The following AK6 variants were observed in gnomAD, a reference collection of about 807,000 sequenced individuals.
The protein encoded by AK6 is adenylate kinase 6.
Under a neutral mutation model 23.7 loss-of-function variants are expected in AK6, and 24 were observed. That is an observed-to-expected ratio of 1.01 (90% CI 0.73 to 1.43). The LOEUF (loss-of-function observed/expected upper bound fraction) is 1.43. Ranked by LOEUF, AK6 falls within the 40% of genes most tolerant of loss-of-function variation. The pLI, the probability that AK6 is intolerant of heterozygous loss-of-function variation, is 0.00. For synonymous variants in AK6, 73 were observed against 69.8 expected (o/e 1.05, Z -0.23); for missense variants, 191 against 199.1 (o/e 0.96, Z 0.24).
chr5:69,351,977 A>G lies in AK6; in HGVS notation c.*84T>C, dbSNP rs1761959169. ...GCTGGTTCTGCAACATGATTTTAATAAAGTGTTACTGACACTTGAACAATT... is the reference window on the plus strand; with the variant it reads ...GCTGGTTCTGCAACATGATTTTAATGAAGTGTTACTGACACTTGAACAATT... On this transcript the variant is annotated 3_prime_UTR_variant, in exon 5 of 5. Coordinates refer to ENST00000380822, the MANE Select transcript of AK6 (RefSeq NM_016283.5). 2.5e-6 allele frequency: 3 copies of G among 1,188,228 alleles called. No homozygotes were observed. Among genetic ancestry groups the G allele is most frequent in the Non-Finnish European group, 3.5e-6 (3 of 855,238 alleles). The allele number at this position is 1,188,228 out of a possible 1,614,324, so 73.6% of individuals were successfully genotyped here.
Position 69,351,441 on chromosome 5 carries a change from G to A in AK6, c.*620C>T, listed in dbSNP as rs922480847. The A allele has an allele frequency of 6.6e-6, 1 of 152,144 alleles. No individual in the cohort carries two copies. Among genetic ancestry groups the A allele is most frequent in the Non-Finnish European group, 1.5e-5 (1 of 68,038 alleles). 9.4% of individuals were successfully genotyped at this position (152,144 alleles called of 1,614,324 possible). On this transcript the variant is annotated 3_prime_UTR_variant, in exon 5 of 5. Coordinates refer to ENST00000380822, the MANE Select transcript of AK6 (RefSeq NM_016283.5). ...ATGATATAATCTTCAAATATAGTAA[G>A]TGAAAAAAGAAAGGTACAGAATAGT...
rs529722096 is a variant in AK6 at position 69,364,341 on chromosome 5, CACTT to C, written c.121+2158_121+2161del. ...CTCAAAATTAACCTGCAAAAAGAGA[CACTT>C]ATAAATTTTTTTTTAAAAAGTGGAG... is the stretch of plus-strand genomic sequence containing the variant. On this transcript the variant is annotated intron_variant, in intron 2 of 4. Transcript: ENST00000380822. 3.2e-3 allele frequency among the ~76,000 whole-genome samples: 487 copies of C among 151,910 alleles called. 9 individuals carry two copies. The highest frequency in any genetic ancestry group is 0.011 in the African/African-American group (471 of 41,460).
chr5:69,358,636 G>A (rs529317113), intron 2 of AK6, among the ~76,000 whole-genome samples: 1 of 151,870 alleles, frequency 6.6e-6, no homozygotes, highest in East Asian at 1.9e-4. Context: ...AGTCCCAGAG[G>A]CTATCAAGTC....
intron 4 of AK6, among the ~76,000 whole-genome samples, chr5:69,354,729 G>C (rs1009064682): frequency 7.2e-5 from 11 of 152,208 alleles, no homozygotes; most frequent in Admixed American, 7.2e-4. Flanking sequence ...GGGATAATTT[G>C]AGTGAGTAGT....
At chr5:69,359,243 T>A (rs1430732863) in intron 2 of AK6, among the ~76,000 whole-genome samples, 24 of 146,032 alleles carry the variant, frequency 1.6e-4, no homozygotes, top group East Asian at 7.9e-4. Context: ...AAAAAAAAAA[T>A]TTTTTTTTTT....
At chr5:69,361,013 A>G (rs1239536692) in intron 2 of AK6, among the ~76,000 whole-genome samples, 1 of 152,238 alleles carries the variant, frequency 6.6e-6, no homozygotes, top group African/African-American at 2.4e-5. Flanking sequence ...GAGGCCGAAG[A>G]CCGAAAAACT....
intron 2 of AK6, among the ~76,000 whole-genome samples, chr5:69,363,730 GC>G (rs1451368210): frequency 6.6e-6 from 1 of 151,752 alleles, no homozygotes; most frequent in Non-Finnish European, 1.5e-5. Flanking sequence ...CTTGCAGTGA[GC>G]CGAGATTACA....
In AK6 at chr5:69,364,216, A is replaced by AT. The variant is rs1554035657; in HGVS notation, c.121+2286_121+2287insA. ...CAAAAAAATATTTTAAATTAAAAAA[A>AT]ATATATATATATATAAACACTATAA... On this transcript the variant is annotated intron_variant, in intron 2 of 4. Coordinates refer to ENST00000380822, the MANE Select transcript of AK6 (RefSeq NM_016283.5). Among the ~76,000 whole-genome samples the AT allele has an allele frequency of 6.0e-5, 9 of 150,416 alleles. No homozygotes were observed. In the East Asian group the frequency reaches 7.7e-4, roughly 13 times the overall value.
intron 4 of AK6, among the ~76,000 whole-genome samples, chr5:69,353,669 G>C (rs974019986): frequency 3.9e-5 from 6 of 152,170 alleles, no homozygotes; most frequent in Non-Finnish European, 7.3e-5. Context: ...ATGAGCAACT[G>C]ATATATACAC....
chr5:69,358,539 A>G (rs1031036609), intron 2 of AK6, among the ~76,000 whole-genome samples: 7 of 151,138 alleles, frequency 4.6e-5, no homozygotes, highest in East Asian at 3.9e-4. Flanking sequence ...AAAAAAAAAA[A>G]AAAGAAAGAT....
At chr5:69,369,107 A>C in intron 1 of AK6, 2 of 372,816 alleles carry the variant, frequency 5.4e-6, no homozygotes, top group Non-Finnish European at 9.6e-6. Flanking sequence ...TTATTTCGCT[A>C]AAAATCCCAA....
At chr5:69,353,190 A>G (rs1007392842) in intron 4 of AK6, among the ~76,000 whole-genome samples, 11 of 152,196 alleles carry the variant, frequency 7.2e-5, no homozygotes, top group Non-Finnish European at 1.5e-5. Context: ...TATCTAGTAT[A>G]GACAAATCCA....
At chr5:69,361,969 C>CTTTT (rs112797204) in intron 2 of AK6, among the ~76,000 whole-genome samples, 6 of 104,826 alleles carry the variant, frequency 5.7e-5, no homozygotes, top group Non-Finnish European at 7.8e-5. Context: ...ACTTGATTCC[C>CTTTT]TTTTTTTTTT....
intron 2 of AK6, chr5:69,365,100 A>C: frequency 6.2e-7 from 1 of 1,614,270 alleles, no homozygotes; most frequent in East Asian, 2.2e-5. Flanking sequence ...TGGATTAATC[A>C]GAACATTCTG....
intron 2 of AK6, chr5:69,365,402 A>T: frequency 6.2e-7 from 1 of 1,614,190 alleles, no homozygotes; most frequent in South Asian, 1.1e-5. Flanking sequence ...GCAACCTAGG[A>T]CCTGAATATG....
rs541082856 is a variant in AK6, at chr5:69,359,424, T to C, written c.122-3471A>G. ...CATGCCTGGCTAATTTTTGTATTTT[T>C]AGTAGAGATGGGGTTTCACCATGTT... On this transcript the variant is annotated intron_variant, in intron 2 of 4. Transcript: ENST00000380822. Among the ~76,000 whole-genome samples, 3 of 152,186 alleles carry C rather than the reference T, an allele frequency of 2.0e-5. No homozygotes were observed. The East Asian group carries it at 5.8e-4, about 29-fold the overall frequency.
intron 2 of AK6, among the ~76,000 whole-genome samples, chr5:69,361,446 CT>C (rs200519136): frequency 3.1e-4 from 45 of 146,866 alleles, no homozygotes; most frequent in South Asian, 1.5e-3. Context: ...TAATAGTTTT[CT>C]TTTTTTTTTG....
At chr5:69,355,155 A>T (rs1245594026) in intron 4 of AK6, among the ~76,000 whole-genome samples, 2 of 152,148 alleles carry the variant, frequency 1.3e-5, no homozygotes, top group African/African-American at 4.8e-5. Context: ...TACACAGTAC[A>T]TTTTACTCAA....
chr5:69,365,876 T>C (rs890177735), intron 2 of AK6: 19 of 640,824 alleles, frequency 3.0e-5, no homozygotes, highest in Middle Eastern at 3.9e-4. Flanking sequence ...ATTTTTAAAA[T>C]TTAAACCATA....
Sources: gnomAD v4.1 joint callset for allele counts (sites outside exome capture counted in the v4.1 genomes callset) on GRCh38, gnomAD v4.1.1 for gene constraint, MANE v1.5 for transcripts, NCBI Gene and HGNC (gene_info 2026-07-23, HGNC 2026-07-21) for gene names.